Variants in SFMBT2 observed in about 807,000 individuals in gnomAD.
The protein encoded by SFMBT2 is Scm like with four mbt domains 2.
SFMBT2 carries 38 observed loss-of-function variants against 110.1 expected under a neutral mutation model. The observed-to-expected ratio is 0.35, with a 90% confidence interval of 0.27 to 0.45. The LOEUF is 0.45. Among genes scored for constraint, SFMBT2 ranks in the 20% least tolerant of loss-of-function variants. SFMBT2 has a pLI of 1.00. For synonymous variants in SFMBT2, 425 were observed against 425.4 expected (o/e 1.00, Z 0.01); for missense variants, 1,011 against 1,094.9 (o/e 0.92, Z 1.08).
intron 12 of SFMBT2, chr10:7,202,877 C>T: frequency 3.0e-6 from 3 of 985,320 alleles, no homozygotes; most frequent in Non-Finnish European, 1.2e-6. Flanking sequence ...GATTTTTTTC[C>T]AATAAAAATT....
chr10:7,318,961 C>T (rs990048062), intron 4 of SFMBT2, among the ~76,000 whole-genome samples: 8 of 152,170 alleles, frequency 5.3e-5, no homozygotes, highest in Admixed American at 2.6e-4. Flanking sequence ...TGTACAAAGG[C>T]CCCGGGCCAT....
intron 11 of SFMBT2, among the ~76,000 whole-genome samples, chr10:7,216,748 C>T (rs539882942): frequency 2.0e-5 from 3 of 152,314 alleles, no homozygotes; most frequent in African/African-American, 7.2e-5. Flanking sequence ...CTCCCTATGC[C>T]TCCTCACCTG....
At chr10:7,228,730 TCTTTCCTTTCTCTCTCTC>T (rs1840002415) in intron 9 of SFMBT2, among the ~76,000 whole-genome samples, 1 of 85,452 alleles carries the variant, frequency 1.2e-5, no homozygotes, top group Non-Finnish European at 2.2e-5. Flanking sequence ...TTTCTTTCTT[TCTTTCCTTTCTCTCTCTC>T]TCTCTCTCTC....
intron 4 of SFMBT2, among the ~76,000 whole-genome samples, chr10:7,307,220 AC>A (rs1842722083): frequency 6.6e-6 from 1 of 152,238 alleles, no homozygotes; most frequent in Admixed American, 6.5e-5. Flanking sequence ...GGAAATACAT[AC>A]CATGTTCATG....
intron 4 of SFMBT2, among the ~76,000 whole-genome samples, chr10:7,296,910 A>G (rs1336005788): frequency 6.6e-6 from 1 of 152,208 alleles, no homozygotes; most frequent in East Asian, 1.9e-4. Flanking sequence ...TGCAGGTTCC[A>G]TCACAGCAGC....
rs746665785 is a variant in SFMBT2, at chr10:7,293,245, C to T, written c.437-7291G>A. Among the ~76,000 whole-genome samples the T allele has an allele frequency of 4.6e-5, 7 of 152,006 alleles. No homozygotes were observed. The highest frequency in any genetic ancestry group is 1.9e-4 in the East Asian group (1 of 5,142). ...TCCCGAGTAGCTGGGACTACAGGCA[C>T]GCCCTACCACATCCAGCTAATTTTT... On this transcript the variant is annotated intron_variant, in intron 4 of 20. Transcript: ENST00000397167. The surrounding 1 kb of genome is among the most constrained non-coding windows in gnomAD (Gnocchi z 4.6).
intron 11 of SFMBT2, among the ~76,000 whole-genome samples, chr10:7,209,059 A>AT (rs1248546710): frequency 6.6e-6 from 1 of 152,222 alleles, no homozygotes; most frequent in African/African-American, 2.4e-5. Context: ...GACCCTAAAC[A>AT]AATCCCATTC....
At chr10:7,250,080 G>A (rs536928628) in intron 7 of SFMBT2, among the ~76,000 whole-genome samples, 48 of 152,312 alleles carry the variant, frequency 3.2e-4, no homozygotes, top group African/African-American at 1.1e-3. Context: ...TGCAGGTGAT[G>A]ATGTGCATTG....
intron 17 of SFMBT2, among the ~76,000 whole-genome samples, chr10:7,174,943 C>G (rs1018461310): frequency 2.6e-5 from 4 of 151,182 alleles, no homozygotes; most frequent in African/African-American, 4.9e-5. Flanking sequence ...CAAGGGGACT[C>G]TGTGTGTGTG....
intron 4 of SFMBT2, among the ~76,000 whole-genome samples, chr10:7,328,013 T>G (rs562495356): frequency 5.3e-5 from 8 of 152,320 alleles, no homozygotes; most frequent in African/African-American, 1.9e-4. Context: ...GTATGGTGGG[T>G]GTATGTTTAA....
chr10:7,377,165 T>A (rs1377523714), intron 2 of SFMBT2, among the ~76,000 whole-genome samples: 3 of 35,196 alleles, frequency 8.5e-5, no homozygotes, highest in South Asian at 4.0e-3. Context: ...CGAGACTCCA[T>A]CTCAAAAAAA....
chr10:7,384,735 G>A (rs574035523), intron 1 of SFMBT2, among the ~76,000 whole-genome samples: 4 of 152,098 alleles, frequency 2.6e-5, no homozygotes, highest in Non-Finnish European at 4.4e-5. Flanking sequence ...ACCCCTGTGG[G>A]TATCAGTTTG....
intron 14 of SFMBT2, among the ~76,000 whole-genome samples, chr10:7,199,099 C>A (rs890238747): frequency 1.3e-5 from 2 of 152,130 alleles, no homozygotes; most frequent in Non-Finnish European, 2.9e-5. Context: ...CTGCCTGAGC[C>A]TCCTAAGTAG....
intron 8 of SFMBT2, among the ~76,000 whole-genome samples, chr10:7,244,940 T>C (rs1046383256): frequency 3.3e-5 from 5 of 152,174 alleles, no homozygotes; most frequent in African/African-American, 9.7e-5. Flanking sequence ...GTTGAGAATC[T>C]CATCCTCCCA....
rs1337643723 is a variant in SFMBT2, at chr10:7,264,670, C to T, written c.870+12222G>A. Among the ~76,000 whole-genome samples, 12 of 152,246 alleles carry T rather than the reference C, an allele frequency of 7.9e-5. No homozygotes were observed. In the East Asian group the frequency reaches 2.3e-3, roughly 29 times the overall value. Reference sequence around the variant, plus strand: ...AGCAGGAAGCACTAGGGAGTCACTGCCCAGCCGCACCTCACCCGTCAGCTA... The same window carrying T: ...AGCAGGAAGCACTAGGGAGTCACTGTCCAGCCGCACCTCACCCGTCAGCTA... On this transcript the variant is annotated intron_variant, in intron 7 of 20. Coordinates refer to ENST00000397167, the MANE Select transcript of SFMBT2 (RefSeq NM_001387889.1).
At chr10:7,340,630 C>T (rs991406318) in intron 4 of SFMBT2, among the ~76,000 whole-genome samples, 3 of 139,948 alleles carry the variant, frequency 2.1e-5, no homozygotes, top group Non-Finnish European at 4.5e-5. Context: ...CACTCCAGCC[C>T]GGGCAACAGA....
At position 7,172,460 on chromosome 10, in the gene SFMBT2, G is replaced by A. The variant is rs376202463; in HGVS notation, c.2151+35C>T. On this transcript the variant is annotated intron_variant, in intron 18 of 20. Coordinates refer to ENST00000397167, the MANE Select transcript of SFMBT2 (RefSeq NM_001387889.1). The surrounding 1 kb of genome is among the most constrained non-coding windows in gnomAD (Gnocchi z 4.6). ...TTGCCGGCCAGGGCCAGATGACAGA[G>A]CTACAGGCTGGCAGGTGCCCCGGGC... 5.0e-6 allele frequency: 8 copies of A among 1,612,464 alleles called. No individual in the cohort carries two copies. The highest frequency in any genetic ancestry group is 1.3e-5 in the African/African-American group (1 of 74,910).
chr10:7,311,639 C>T (rs765743207), intron 4 of SFMBT2, among the ~76,000 whole-genome samples: 4 of 152,278 alleles, frequency 2.6e-5, no homozygotes, highest in East Asian at 1.9e-4. Flanking sequence ...ATCCTACTCA[C>T]GTCATGTTGA....
At chr10:7,405,208 T>C (rs1032352705) in intron 1 of SFMBT2, among the ~76,000 whole-genome samples, 3 of 152,164 alleles carry the variant, frequency 2.0e-5, no homozygotes, top group Non-Finnish European at 4.4e-5. Flanking sequence ...ATCATCCATA[T>C]CATAAACATG....
Sources: allele counts gnomAD v4.1 joint callset (sites outside exome capture counted in the v4.1 genomes callset), GRCh38; gene constraint gnomAD v4.1.1; non-coding constraint Gnocchi (gnomAD v3.1); transcripts MANE v1.5; gene names NCBI Gene and HGNC (gene_info 2026-07-23, HGNC 2026-07-21).